SLC8A1: variants seen among roughly 807,000 people sequenced by gnomAD.
The protein encoded by SLC8A1 is sodium/calcium exchanger 1.
A neutral mutation model predicts 68.3 loss-of-function variants in SLC8A1; 18 were observed. The ratio of observed to expected loss-of-function variants is 0.26; its 90% CI spans 0.18 to 0.39. SLC8A1 has a LOEUF of 0.39. Ranked by LOEUF, SLC8A1 falls within the 10% of genes least tolerant of loss-of-function variation. The pLI, the probability that SLC8A1 is intolerant of heterozygous loss-of-function variation, is 1.00. For missense variants in SLC8A1, 985 were observed against 1,156.7 expected, an observed-to-expected ratio of 0.85 and a Z score of 2.15; for synonymous variants, 475 against 415.5, an observed-to-expected ratio of 1.14 and a Z score of -1.74.
chr2:40,484,997 G>A (rs756259041), intron 1 of SLC8A1, among the ~76,000 whole-genome samples: 1 of 152,168 alleles, frequency 6.6e-6, no homozygotes, highest in African/African-American at 2.4e-5. Context: ...GAAAGTGTTT[G>A]ACATCTGCTA....
chr2:40,218,070 A>G (rs1426369255), intron 2 of SLC8A1, among the ~76,000 whole-genome samples: 1 of 147,888 alleles, frequency 6.8e-6, no homozygotes, highest in Non-Finnish European at 1.5e-5. Context: ...TCAGAGTACT[A>G]TGGGAGGTTA....
At chr2:40,387,993 T>A (rs911037612) in intron 2 of SLC8A1, among the ~76,000 whole-genome samples, 2 of 145,104 alleles carry the variant, frequency 1.4e-5, no homozygotes, top group African/African-American at 5.2e-5. Flanking sequence ...ACTAAGGAAA[T>A]CTCTCATACC....
intron 7 of SLC8A1, among the ~76,000 whole-genome samples, chr2:40,133,959 A>G (rs578106907): frequency 6.6e-6 from 1 of 152,262 alleles, no homozygotes; most frequent in South Asian, 2.1e-4. Flanking sequence ...GCTCCTTCTT[A>G]ATTTTTTCCC....
At chr2:40,312,099 C>A (rs774666226) in intron 2 of SLC8A1, among the ~76,000 whole-genome samples, 7 of 152,120 alleles carry the variant, frequency 4.6e-5, no homozygotes, top group Non-Finnish European at 8.8e-5. Context: ...TACCCTCAAG[C>A]TTCAGGCTGA....
intron 2 of SLC8A1, among the ~76,000 whole-genome samples, chr2:40,261,128 C>A (rs1471103289): frequency 6.6e-6 from 1 of 152,152 alleles, no homozygotes; most frequent in Admixed American, 6.6e-5. Flanking sequence ...TGAGAATCTT[C>A]TGTAGTAGAA....
rs6726872 is a variant in SLC8A1 at position 40,495,192 on chromosome 2, T to C, written c.-25+17157A>G. 1.0e-3 allele frequency among the ~76,000 whole-genome samples: 154 copies of C among 151,808 alleles called. 1 individual carries two copies. Among genetic ancestry groups the C allele is most frequent in the Non-Finnish European group, 1.9e-3 (132 of 67,924 alleles). On this transcript the variant is annotated intron_variant, in intron 1 of 7. Coordinates refer to the SLC8A1 transcript ENST00000402441. ...ATGATAACAAAAATCATTATGAATA[T>C]ATGATTATCTGAGTCACAAGACATC...
exon 8 of SLC8A1, chr2:40,097,556 C>T (rs1231087199): frequency 2.0e-5 from 3 of 151,880 alleles, no homozygotes; most frequent in African/African-American, 7.2e-5. Flanking sequence ...TACAACATAT[C>T]TCAGGCAGCA....
chr2:40,320,383 G>A (rs1036963625), intron 2 of SLC8A1, among the ~76,000 whole-genome samples: 8 of 152,052 alleles, frequency 5.3e-5, no homozygotes, highest in Non-Finnish European at 1.2e-4. Flanking sequence ...ACTGCCCTTA[G>A]TTGCTGGTAC....
chr2:40,346,047 TA>T (rs774555210), intron 2 of SLC8A1, among the ~76,000 whole-genome samples: 2,614 of 41,698 alleles, frequency 0.063, 35 homozygotes, highest in East Asian at 0.15. Context: ...ACATTAACAG[TA>T]AAAAAAAAAA....
chr2:40,316,464 AG>A (rs1332925744), intron 2 of SLC8A1, among the ~76,000 whole-genome samples: 10 of 152,070 alleles, frequency 6.6e-5, no homozygotes, highest in Admixed American at 5.3e-4. Context: ...AATATTTGAT[AG>A]ATAAGTTTGG....
intron 2 of SLC8A1, among the ~76,000 whole-genome samples, chr2:40,212,284 T>G (rs905834866): frequency 5.2e-5 from 6 of 116,466 alleles, no homozygotes; most frequent in East Asian, 2.1e-4. Flanking sequence ...ATGCAATATC[T>G]TTTTTTTTTT....
intron 2 of SLC8A1, among the ~76,000 whole-genome samples, chr2:40,371,493 G>A (rs970440332): frequency 1.3e-5 from 2 of 151,958 alleles, no homozygotes; most frequent in African/African-American, 2.4e-5. Flanking sequence ...CAAGGCTCAG[G>A]GACCTCACTC....
chr2:40,346,381 C>T (rs1276068039), intron 2 of SLC8A1, among the ~76,000 whole-genome samples: 2 of 152,064 alleles, frequency 1.3e-5, no homozygotes, highest in East Asian at 3.9e-4. Context: ...ATCCCTGGGA[C>T]TTGTTAGAAA....
intron 2 of SLC8A1, among the ~76,000 whole-genome samples, chr2:40,402,115 G>A (rs1576155214): frequency 6.6e-6 from 1 of 152,272 alleles, no homozygotes; most frequent in East Asian, 1.9e-4. Flanking sequence ...GCTGGTGAAA[G>A]GATGTGGTAA....
rs78129556 is a variant in SLC8A1 at position 40,180,685 on chromosome 2, T to G, written c.1809-2830A>C. On this transcript the variant is annotated intron_variant, in intron 2 of 7. Transcript: ENST00000406785. ...GAGAGTCACGTTGCAATATTCTTGT[T>G]AGCATTACTTAAAAACATCTGACGT... Among the ~76,000 whole-genome samples, 148 of 152,342 alleles carry G rather than the reference T, an allele frequency of 9.7e-4. 2 individuals are homozygous for G. In the East Asian group the frequency reaches 0.025, roughly 26 times the overall value.
At chr2:40,360,433 T>C (rs1048756936) in intron 2 of SLC8A1, among the ~76,000 whole-genome samples, 1 of 152,126 alleles carries the variant, frequency 6.6e-6, no homozygotes, top group African/African-American at 2.4e-5. Context: ...AACAGGTATT[T>C]ATATAAGAGC....
At chr2:40,221,083 G>A (rs1257765629) in intron 2 of SLC8A1, among the ~76,000 whole-genome samples, 1 of 148,588 alleles carries the variant, frequency 6.7e-6, no homozygotes, top group Non-Finnish European at 1.5e-5. Flanking sequence ...CAACAAAAAA[G>A]AAAATTTCAG....
At chr2:40,247,089 G>GTAT (rs1288921582) in intron 2 of SLC8A1, among the ~76,000 whole-genome samples, 2 of 152,160 alleles carry the variant, frequency 1.3e-5, no homozygotes, top group African/African-American at 4.8e-5. Context: ...TTATAGATTA[G>GTAT]TATTATAGGA....
In SLC8A1 at chr2:40,360,219, T is replaced by A. The variant is rs1452108968; in HGVS notation, c.1808+68254A>T. On this transcript the variant is annotated intron_variant, in intron 2 of 7. Coordinates refer to ENST00000406785, the Ensembl canonical transcript of SLC8A1. The stretch of plus-strand genomic sequence containing the variant: ...ACTCTATTCCTAATGCCCAGCACAC[T>A]GTCCAGCATATGCTAGGCACTCCGT... Among the ~76,000 whole-genome samples the A allele has an allele frequency of 2.6e-5, 4 of 152,292 alleles. No individual in the cohort carries two copies. In the East Asian group the frequency reaches 7.8e-4, roughly 30 times the overall value.
Sources: allele counts gnomAD v4.1 joint callset (sites outside exome capture counted in the v4.1 genomes callset), GRCh38; gene constraint gnomAD v4.1.1; transcripts MANE v1.5; gene names NCBI Gene and HGNC (gene_info 2026-07-23, HGNC 2026-07-21).